Variants in AOX1 observed in about 807,000 individuals in gnomAD.
AOX1 encodes the protein aldehyde oxidase 1.
Under a neutral mutation model 169.5 loss-of-function variants are expected in AOX1, and 153 were observed. That is an observed-to-expected ratio of 0.90 (90% CI 0.79 to 1.03). The LOEUF is 1.03. AOX1 is among the 50% of genes least tolerant of loss of function. The pLI, the probability that AOX1 is intolerant of heterozygous loss-of-function variation, is 0.00. For missense variants in AOX1, 1,656 were observed against 1,663.9 expected, an observed-to-expected ratio of 1.00 and a Z score of 0.08; for synonymous variants, 562 against 581.9, an observed-to-expected ratio of 0.97 and a Z score of 0.49.
chr2:200,603,233 A>G, intron 6 of AOX1, 34 bp from the exon 7 acceptor site: 2 of 1,556,176 alleles, frequency 1.3e-6, no homozygotes, highest in South Asian at 1.1e-5. Context: ...AGAATCAGCA[A>G]TAAATTCCTA....
At chr2:200,609,672 T>A (rs2034593653) in intron 12 of AOX1, among the ~76,000 whole-genome samples, 1 of 152,194 alleles carries the variant, frequency 6.6e-6, no homozygotes. Context: ...TTTGTGTTGG[T>A]TAATGTCCGG....
intron 31 of AOX1, among the ~76,000 whole-genome samples, chr2:200,663,714 T>G (rs1157567719): frequency 6.6e-6 from 1 of 152,120 alleles, no homozygotes. Flanking sequence ...AAATGATCAC[T>G]GATACATTAA....
chr2:200,601,484 A>T (rs1424855807), intron 5 of AOX1, among the ~76,000 whole-genome samples: 1 of 152,176 alleles, frequency 6.6e-6, no homozygotes, highest in Non-Finnish European at 1.5e-5. Context: ...AAATAAATAA[A>T]TGATGGGAGG....
At chr2:200,621,399 T>C (rs1183013857) in intron 18 of AOX1, among the ~76,000 whole-genome samples, 153 bp downstream of exon 18, 1 of 152,244 alleles carries the variant, frequency 6.6e-6, no homozygotes, top group Non-Finnish European at 1.5e-5. Flanking sequence ...ATTGAATGAA[T>C]TCAAATATAT....
Position 200,604,806 on chromosome 2 carries a change from C to G in AOX1, c.780C>G (p.Pro260=), listed in dbSNP as rs1013200982. 6.2e-6 allele frequency: 10 copies of G among 1,613,892 alleles called. No homozygotes were observed. The highest frequency in any genetic ancestry group is 1.6e-4 in the Middle Eastern group (1 of 6,082). The change falls in exon 9 of 35, where the codon CCC becomes CCG. Residue 260 remains proline (P), a synonymous_variant. Coordinates refer to ENST00000374700, the MANE Select transcript of AOX1 (RefSeq NM_001159.4). ...TGCTGGAATTTAAATTCAAGTATCC[C>G]CAGGCTCCTGTTATCATGGGAAACA... ...KELLEFKFKY[P]QAPVIMGNTS...
intron 23 of AOX1, among the ~76,000 whole-genome samples, chr2:200,640,422 C>G (rs929117018): frequency 3.3e-5 from 5 of 152,134 alleles, no homozygotes; most frequent in Admixed American, 3.3e-4. Context: ...CTGATGCATT[C>G]AGACATGAAG....
At chr2:200,612,902 C>T in intron 14 of AOX1, 109 bp downstream of exon 14, 2 of 816,850 alleles carry the variant, frequency 2.4e-6, no homozygotes, top group Non-Finnish European at 3.8e-6. Context: ...GTGTTCCATA[C>T]CTTTCTATTT....
Position 200,666,723 on chromosome 2 carries a change from A to G in AOX1, c.3580A>G (p.Ser1194Gly), listed in dbSNP as rs1273023434. The part of the protein sequence containing the change: ...RTDIVMDVGC[S>G]INPAIDIGQI... Reference sequence around the variant, plus strand: ...AGACATTGTCATGGATGTTGGCTGCAGTATAAATCCAGCCATTGACATAGG... The same window carrying G: ...AGACATTGTCATGGATGTTGGCTGCGGTATAAATCCAGCCATTGACATAGG... Residue 1194 changes from serine (S) to glycine (G), a missense_variant, in exon 32 of 35, where the codon AGT (serine) becomes GGT (glycine). Physicochemically the swap from Ser to Gly is moderately conservative, Grantham distance 56. Transcript: ENST00000374700. 2 of 1,610,832 alleles carry G rather than the reference A, an allele frequency of 1.2e-6. No homozygotes were observed. The highest frequency in any genetic ancestry group is 3.4e-5 in the Admixed American group (2 of 58,978).
downstream of AOX1, among the ~76,000 whole-genome samples, chr2:200,674,025 G>A (rs892967492): frequency 1.3e-5 from 2 of 152,236 alleles, no homozygotes; most frequent in Admixed American, 1.3e-4. Flanking sequence ...TATACAGTAA[G>A]AAGGAAGCAG....
At chr2:200,680,534 G>GGTTTTTGTTTTT (rs71022331), downstream of AOX1, among the ~76,000 whole-genome samples, 55,582 of 149,166 alleles carry the variant, frequency 0.37, 10,565 homozygotes, top group East Asian at 0.46. Flanking sequence ...TCAGGGCCAA[G>GGTTTTTGTTTTT]GTTTTTGTTT....
intron 19 of AOX1, 22 bp downstream of exon 19, chr2:200,624,005 T>A: frequency 6.2e-7 from 1 of 1,610,980 alleles, no homozygotes; most frequent in African/African-American, 1.3e-5. Context: ...TGTGGAATGG[T>A]GGTGCCAGTT....
chr2:200,642,565 A>G, intron 24 of AOX1, 45 bp from the exon 25 acceptor site: 2 of 1,583,226 alleles, frequency 1.3e-6, no homozygotes, highest in Non-Finnish European at 1.7e-6. Context: ...GGATGGTGAA[A>G]CAGGTTCAGA....
intron 4 of AOX1, among the ~76,000 whole-genome samples, chr2:200,597,758 T>G (rs956920489): frequency 6.6e-6 from 1 of 152,128 alleles, no homozygotes; most frequent in Non-Finnish European, 1.5e-5. Flanking sequence ...CATTTGTGGG[T>G]TTGTTTTTTG....
At chr2:200,633,047 C>T (rs78913864) in intron 20 of AOX1, among the ~76,000 whole-genome samples, 18,686 of 152,006 alleles carry the variant, frequency 0.12, 1,273 homozygotes, top group Non-Finnish European at 0.16. Context: ...CAGGCATCCA[C>T]CACCATGCCT....
At chr2:200,628,999 C>CAAGAAT (rs2035060680) in intron 20 of AOX1, among the ~76,000 whole-genome samples, 1 of 152,128 alleles carries the variant, frequency 6.6e-6, no homozygotes, top group Admixed American at 6.6e-5. Context: ...ACCTTGATCA[C>CAAGAAT]AAGAATAGGA....
chr2:200,618,601 T>C (rs769779366), intron 16 of AOX1, among the ~76,000 whole-genome samples: 13 of 152,210 alleles, frequency 8.5e-5, no homozygotes, highest in Non-Finnish European at 1.3e-4. Context: ...CGTTCTCTCC[T>C]GATATTCCAG....
chr2:200,668,866 C>T, intron 33 of AOX1, 63 bp downstream of exon 33: 1 of 1,382,890 alleles, frequency 7.2e-7, no homozygotes. Flanking sequence ...GACAGGAAGG[C>T]TACATTCCTC....
intron 27 of AOX1, among the ~76,000 whole-genome samples, chr2:200,657,165 A>AAAAATATAT (rs1179205121): frequency 1.1e-5 from 1 of 88,408 alleles, no homozygotes; most frequent in African/African-American, 5.2e-5. Context: ...CTCTACCAAA[A>AAAAATATAT]ATATATATAT....
intron 20 of AOX1, among the ~76,000 whole-genome samples, chr2:200,630,210 T>TAAAAAA (rs57410809): frequency 1.8e-4 from 17 of 95,524 alleles, no homozygotes; most frequent in African/African-American, 5.9e-4. Context: ...TCCTTCTATT[T>TAAAAAA]AAAAAAAAAA....
Sources: gnomAD v4.1 joint callset for allele counts (sites outside exome capture counted in the v4.1 genomes callset) on GRCh38, gnomAD v4.1.1 for gene constraint, MANE v1.5 for transcripts, NCBI Gene and HGNC (gene_info 2026-07-23, HGNC 2026-07-21) for gene names.